Variants in PARP16 observed in about 807,000 individuals in gnomAD.
PARP16 encodes the protein poly(ADP-ribose) polymerase family member 16, also known as protein mono-ADP-ribosyltransferase PARP16.
PARP16 carries 31 observed loss-of-function variants against 35.0 expected under a neutral mutation model. The ratio of observed to expected loss-of-function variants is 0.88; its 90% CI spans 0.66 to 1.19. PARP16 has a LOEUF of 1.19. PARP16 is among the 50% of genes most tolerant of loss of function. PARP16 has a pLI of 0.00. For missense variants in PARP16, 424 were observed against 411.2 expected, an observed-to-expected ratio of 1.03 and a Z score of -0.27; for synonymous variants, 162 against 169.5, an observed-to-expected ratio of 0.96 and a Z score of 0.34.
chr15:65,260,774 T>C, intron 5 of PARP16, 111 bp downstream of exon 5: 1 of 918,332 alleles, frequency 1.1e-6, no homozygotes, highest in East Asian at 2.4e-5. Context: ...GTGCTTTACA[T>C]ACTTGACATC....
At chr15:65,231,108 G>A (rs139235330), downstream of PARP16, among the ~76,000 whole-genome samples, 5 of 151,664 alleles carry the variant, frequency 3.3e-5, no homozygotes, top group African/African-American at 7.3e-5. Flanking sequence ...GGCCAGTCTC[G>A]AACTCCTGAC....
intron 2 of PARP16, among the ~76,000 whole-genome samples, chr15:65,251,632 G>C (rs899987042): frequency 1.4e-4 from 8 of 58,088 alleles, no homozygotes; most frequent in African/African-American, 3.1e-4. Context: ...GGTTCATTTT[G>C]ATGAGATACT....
chr15:65,266,460 C>T (rs972965975), intron 3 of PARP16, 102 bp downstream of exon 3: 12 of 949,162 alleles, frequency 1.3e-5, no homozygotes, highest in Non-Finnish European at 1.7e-5. Context: ...TAAACCTACC[C>T]GACCCCACCT....
chr15:65,240,275 G>A (rs1192394049), intron 3 of PARP16, among the ~76,000 whole-genome samples: 3 of 150,196 alleles, frequency 2.0e-5, no homozygotes, highest in South Asian at 2.1e-4. Flanking sequence ...GTAGCTTGGC[G>A]CCCGCCACCA....
chr15:65,234,470 C>T (rs902718220), exon 4 of PARP16: 1 of 152,228 alleles, frequency 6.6e-6, no homozygotes, highest in Non-Finnish European at 1.5e-5. Flanking sequence ...TTCATTCAAC[C>T]AGACCTATCC....
chr15:65,273,173 G>A (rs533577142), intron 1 of PARP16, among the ~76,000 whole-genome samples: 116 of 149,990 alleles, frequency 7.7e-4, no homozygotes, highest in Non-Finnish European at 1.2e-3. Context: ...AGCTACTCGG[G>A]AGGCCAAGGT....
At chr15:65,280,044 T>C (rs2090372938) in intron 1 of PARP16, among the ~76,000 whole-genome samples, 1 of 152,058 alleles carries the variant, frequency 6.6e-6, no homozygotes, top group Non-Finnish European at 1.5e-5. Context: ...CCTGCCTTTT[T>C]TCTTTTAATC....
At chr15:65,234,882 G>T (rs977810478) in intron 3 of PARP16, 3 of 152,384 alleles carry the variant, frequency 2.0e-5, no homozygotes, top group Admixed American at 2.0e-4. Flanking sequence ...CGGGCACAGT[G>T]GCTCACGCCT....
chr15:65,257,914 G>A (rs189849766), downstream of PARP16, among the ~76,000 whole-genome samples: 54 of 152,192 alleles, frequency 3.5e-4, no homozygotes, highest in African/African-American at 1.3e-3. Context: ...CATACAGTAG[G>A]TACTCACGTT....
intron 2 of PARP16, among the ~76,000 whole-genome samples, chr15:65,269,798 C>T (rs912468115): frequency 6.6e-6 from 1 of 152,150 alleles, no homozygotes; most frequent in African/African-American, 2.4e-5. Context: ...TTAACTGGTC[C>T]ACAATCAAAA....
At chr15:65,231,054 A>G (rs2088774459), downstream of PARP16, among the ~76,000 whole-genome samples, 1 of 151,750 alleles carries the variant, frequency 6.6e-6, no homozygotes, top group Admixed American at 6.6e-5. Context: ...ATGCCTGGCT[A>G]GTTTTTACAT....
chr15:65,266,637 G>C lies in PARP16; in HGVS notation c.444C>G (p.Ile148Met), dbSNP rs1044430591. 2 of 1,614,140 alleles carry C rather than the reference G, an allele frequency of 1.2e-6. No homozygotes were observed. Among genetic ancestry groups the C allele is most frequent in the Non-Finnish European group, 8.5e-7 (1 of 1,179,988 alleles). ...FYETKGERDL[I>M]YAFHGSRLEN... ...CTAGGCGGCTACCATGAAATGCATAGATTAGGTCTCGTTCTCCTTTGGTCT... is the reference window on the plus strand; with the variant it reads ...CTAGGCGGCTACCATGAAATGCATACATTAGGTCTCGTTCTCCTTTGGTCT... Residue 148 changes from isoleucine (I) to methionine (M), a missense_variant, in exon 3 of 6, where the codon ATC becomes ATG. By Grantham distance (10) the Ile-to-Met change is conservative. Coordinates refer to ENST00000649807, the MANE Select transcript of PARP16 (RefSeq NM_001316943.2).
chr15:65,254,191 T>C (rs150785818), downstream of PARP16, among the ~76,000 whole-genome samples: 453 of 152,306 alleles, frequency 3.0e-3, 2 homozygotes, highest in African/African-American at 1.0e-2. Flanking sequence ...AATGCTGCTT[T>C]CCCTTTTCAG....
chr15:65,263,323 G>A lies in PARP16; in HGVS notation c.520-3C>T, dbSNP rs370497855. On this transcript the variant is annotated splice_polypyrimidine_tract_variant and splice_region_variant and intron_variant, in intron 3 of 5. Transcript: ENST00000649807. ...GTCCCCTCTCCGAACAAGGATGTCT[G>A]CAACAGCAAGGCCAATGGAAAAGAA... 55 of 1,572,826 alleles carry A rather than the reference G, an allele frequency of 3.5e-5. No individual in the cohort carries two copies. The highest frequency in any genetic ancestry group is 4.7e-5 in the Non-Finnish European group (54 of 1,158,962).
At chr15:65,234,902 G>C (rs533711325) in intron 3 of PARP16, 1 of 152,260 alleles carries the variant, frequency 6.6e-6, no homozygotes, top group Non-Finnish European at 1.5e-5. Context: ...TGTAATCCCA[G>C]CACTTTGGGA....
intron 3 of PARP16, among the ~76,000 whole-genome samples, chr15:65,243,496 C>T (rs867924502): frequency 6.6e-6 from 1 of 152,140 alleles, no homozygotes; most frequent in African/African-American, 2.4e-5. Flanking sequence ...AGTGATCCAC[C>T]CTCCTTGACC....
intron 2 of PARP16, among the ~76,000 whole-genome samples, chr15:65,250,139 A>G (rs2089321117): frequency 2.8e-5 from 3 of 107,976 alleles, no homozygotes; most frequent in African/African-American, 4.3e-5. Flanking sequence ...TTTTTTTGAG[A>G]CAGAGTCTCT....
At chr15:65,283,059 T>C (rs2090466780) in intron 1 of PARP16, among the ~76,000 whole-genome samples, 1 of 152,174 alleles carries the variant, frequency 6.6e-6, no homozygotes, top group Admixed American at 6.5e-5. Flanking sequence ...ACAAACCTGA[T>C]TGCATTCGCC....
chr15:65,231,281 T>TATC (rs1318047206), downstream of PARP16, among the ~76,000 whole-genome samples: 8 of 152,212 alleles, frequency 5.3e-5, no homozygotes, highest in African/African-American at 1.9e-4. Flanking sequence ...TGAGTCCATT[T>TATC]ACATTTATTA....
Sources: gnomAD v4.1 joint callset for allele counts (sites outside exome capture counted in the v4.1 genomes callset) on GRCh38, gnomAD v4.1.1 for gene constraint, MANE v1.5 for transcripts, NCBI Gene and HGNC (gene_info 2026-07-23, HGNC 2026-07-21) for gene names.